DNAH8: variants seen among roughly 807,000 people sequenced by gnomAD.
DNAH8 encodes the protein dynein axonemal heavy chain 8, also known as axonemal beta dynein heavy chain 8.
DNAH8 carries 382 observed loss-of-function variants against 562.1 expected under a neutral mutation model. That is an observed-to-expected ratio of 0.68 (90% confidence interval 0.63 to 0.74). The LOEUF (loss-of-function observed/expected upper bound fraction) is 0.74, where lower values mean the gene tolerates loss of function less well. Among genes scored for constraint, DNAH8 ranks in the 30% least tolerant of loss-of-function variants. DNAH8 has a pLI of 0.00. For synonymous variants in DNAH8, 1,881 were observed against 1,919.4 expected (o/e 0.98, Z 0.52); for missense variants, 5,203 against 5,620.4 (o/e 0.93, Z 2.37).
At chr6:38,909,063 A>G (rs530368572) in intron 64 of DNAH8, among the ~76,000 whole-genome samples, 30 of 152,282 alleles carry the variant, frequency 2.0e-4, no homozygotes, top group Admixed American at 1.7e-3. Context: ...TTGTCTCTGT[A>G]CTTTTCTGAT....
chr6:38,960,866 A>G (rs1334165818), intron 82 of DNAH8, among the ~76,000 whole-genome samples: 3 of 151,938 alleles, frequency 2.0e-5, no homozygotes, highest in Non-Finnish European at 1.5e-5. Flanking sequence ...TATATTGTAG[A>G]GGTATCTATC....
intron 87 of DNAH8, among the ~76,000 whole-genome samples, chr6:38,986,049 G>A (rs976471760): frequency 6.6e-6 from 1 of 152,228 alleles, no homozygotes; most frequent in Non-Finnish European, 1.5e-5. Context: ...CCCTTGTGGG[G>A]TGCAACCTGT....
chr6:38,927,051 C>T (rs1782178553), intron 74 of DNAH8, among the ~76,000 whole-genome samples: 1 of 152,134 alleles, frequency 6.6e-6, no homozygotes, highest in African/African-American at 2.4e-5. Context: ...TTTTATTCAT[C>T]TTTACATGTT....
At position 38,951,558 on chromosome 6, in the gene DNAH8, A is replaced by G. The variant is rs753549254; in HGVS notation, c.12451+38A>G. On this transcript the variant is annotated intron_variant, in intron 82 of 92. Coordinates refer to ENST00000327475, the MANE Select transcript of DNAH8 (RefSeq NM_001206927.2). Reference sequence around the variant, plus strand: ...ATCTACAAAATGTAGCAACACTTCCATATTTTTTTGCCCCAAATTTTGCCT... The same window carrying G: ...ATCTACAAAATGTAGCAACACTTCCGTATTTTTTTGCCCCAAATTTTGCCT... The G allele has an allele frequency of 1.0e-4, 157 of 1,563,276 alleles. No individual in the cohort carries two copies. In the South Asian group the frequency reaches 1.7e-3, roughly 17 times the overall value.
rs376030488 is a variant in DNAH8 at position 38,723,399 on chromosome 6, A to T, written c.453A>T (p.Ile151=). 6.2e-7 allele frequency: 1 copy of T among 1,612,424 alleles called. No homozygotes were observed. Among genetic ancestry groups the T allele is most frequent in the African/African-American group, 1.3e-5 (1 of 74,946 alleles). ...AAATTGACCCTTCATACAAATATAT[A>T]TTTGAAATTCTAGCAGAAAATCTTG... The part of the protein sequence containing the change: ...RLKIDPSYKY[I]FEILAENLGL... Residue 151 remains isoleucine (I), a synonymous_variant, in exon 3 of 93, where the codon ATA becomes ATT. Coordinates refer to ENST00000327475, the MANE Select transcript of DNAH8 (RefSeq NM_001206927.2).
chr6:38,938,725 T>G, intron 78 of DNAH8, 73 bp from the exon 79 acceptor site: 1 of 1,026,198 alleles, frequency 9.7e-7, no homozygotes, highest in Non-Finnish European at 1.4e-6. Context: ...CCTTCATGTG[T>G]ACCCCTGAAC....
At chr6:38,976,060 C>T (rs1169168855) in intron 85 of DNAH8, among the ~76,000 whole-genome samples, 2 of 152,224 alleles carry the variant, frequency 1.3e-5, no homozygotes, top group Non-Finnish European at 1.5e-5. Context: ...AATATTTTCA[C>T]TGCTAGGGCG....
intron 85 of DNAH8, among the ~76,000 whole-genome samples, chr6:38,978,984 G>A (rs1270145884): frequency 6.6e-6 from 1 of 152,198 alleles, no homozygotes; most frequent in Non-Finnish European, 1.5e-5. Flanking sequence ...ATTCAAATTT[G>A]TCTGCATTCC....
intron 85 of DNAH8, among the ~76,000 whole-genome samples, chr6:38,977,616 C>G (rs1763759561): frequency 6.6e-6 from 1 of 152,142 alleles, no homozygotes; most frequent in South Asian, 2.1e-4. Flanking sequence ...TCGTTCTGGG[C>G]TTGAGAGCAA....
At chr6:38,937,842 T>C (rs1783093447) in intron 77 of DNAH8, 132 bp from the exon 78 acceptor site, 1 of 1,052,130 alleles carries the variant, frequency 9.5e-7, no homozygotes, top group South Asian at 1.6e-5. Context: ...GATTCTACTG[T>C]ACCAGTAGTC....
intron 48 of DNAH8, among the ~76,000 whole-genome samples, chr6:38,869,495 C>T (rs1187710044): frequency 6.6e-6 from 1 of 152,038 alleles, no homozygotes; most frequent in Non-Finnish European, 1.5e-5. Context: ...TCAGCAAAGC[C>T]CTAGAGAATA....
rs76387239 is a variant in DNAH8 at position 38,913,932 on chromosome 6, G to T, written c.9943G>T (p.Ala3315Ser). The T allele has an allele frequency of 1.2e-6, 2 of 1,612,362 alleles. No individual in the cohort carries two copies. The highest frequency in any genetic ancestry group is 2.7e-5 in the African/African-American group (2 of 74,864). Residue 3315 changes from alanine (A) to serine (S), a missense_variant, in exon 67 of 93, where the codon GCT (alanine) becomes TCT (serine). Physicochemically the swap from Ala to Ser is moderately conservative, Grantham distance 99. Transcript: ENST00000327475. ...AGTCAAGGAGAAGGAGTTGGCAGTGGCTTCCATAAAAGCAGACGAAGTGAG... is the reference window on the plus strand; with the variant it reads ...AGTCAAGGAGAAGGAGTTGGCAGTGTCTTCCATAAAAGCAGACGAAGTGAG... ...LAVKEKELAV[A>S]SIKADEVLAE... is the part of the protein sequence containing the mutation.
At chr6:38,836,338 T>C (rs1774290619) in intron 32 of DNAH8, among the ~76,000 whole-genome samples, 1 of 151,798 alleles carries the variant, frequency 6.6e-6, no homozygotes, top group African/African-American at 2.4e-5. Flanking sequence ...TCCCAGCTAC[T>C]CAGGAGGCTG....
chr6:38,945,933 T>G (rs1302078926), intron 80 of DNAH8, among the ~76,000 whole-genome samples: 1 of 152,234 alleles, frequency 6.6e-6, no homozygotes, highest in Non-Finnish European at 1.5e-5. Flanking sequence ...TTAAGTGATT[T>G]GTACAGATTT....
chr6:38,865,071 T>C (rs760327801), intron 45 of DNAH8, among the ~76,000 whole-genome samples: 4 of 152,214 alleles, frequency 2.6e-5, no homozygotes, highest in African/African-American at 4.8e-5. Context: ...GTTGTAAAGA[T>C]AGGAAACCAA....
intron 82 of DNAH8, among the ~76,000 whole-genome samples, chr6:38,952,431 G>A (rs560399945): frequency 5.3e-5 from 8 of 152,212 alleles, no homozygotes; most frequent in African/African-American, 1.7e-4. Context: ...GAATGCTGTT[G>A]ACATTGGCAT....
Position 38,841,049 on chromosome 6 carries a change from A to G in DNAH8, c.4467-1319A>G, listed in dbSNP as rs181703443. 5.9e-5 allele frequency among the ~76,000 whole-genome samples: 9 copies of G among 152,296 alleles called. No homozygotes were observed. In the East Asian group the frequency reaches 9.6e-4, roughly 16 times the overall value. ...AAGAATGATGAAAAATGAATCAAGA[A>G]TTGAAAAAATAGGACAACTAAGATC... is the stretch of plus-strand genomic sequence containing the variant. On this transcript the variant is annotated intron_variant, in intron 33 of 92. Coordinates refer to ENST00000327475, the MANE Select transcript of DNAH8 (RefSeq NM_001206927.2).
intron 10 of DNAH8, among the ~76,000 whole-genome samples, chr6:38,757,664 T>G (rs1194878077): frequency 2.0e-5 from 3 of 152,212 alleles, no homozygotes; most frequent in South Asian, 2.1e-4. Context: ...GGTCTAACAT[T>G]TAAGTCTTTA....
intron 23 of DNAH8, 131 bp downstream of exon 23, chr6:38,805,727 A>C (rs973408229): frequency 3.6e-6 from 2 of 550,858 alleles, no homozygotes; most frequent in Admixed American, 3.3e-5. Context: ...AGAAAGTATA[A>C]TTTTCAATTT....
Sources: gnomAD v4.1 joint callset for allele counts (sites outside exome capture counted in the v4.1 genomes callset) on GRCh38, gnomAD v4.1.1 for gene constraint, MANE v1.5 for transcripts, NCBI Gene and HGNC (gene_info 2026-07-23, HGNC 2026-07-21) for gene names.